The following MAP3K5 variants were observed in gnomAD, a reference collection of about 807,000 sequenced individuals.
MAP3K5 encodes mitogen-activated protein kinase kinase kinase 5.
Under a neutral mutation model 158.7 loss-of-function variants are expected in MAP3K5, and 56 were observed. That is an observed-to-expected ratio of 0.35 (90% confidence interval 0.28 to 0.44). MAP3K5 has a LOEUF of 0.44. Ranked by LOEUF, MAP3K5 falls within the 20% of genes least tolerant of loss-of-function variation. MAP3K5 has a pLI of 1.00. For missense variants in MAP3K5, 1,294 were observed against 1,674.8 expected (o/e 0.77, Z 3.97); for synonymous variants, 579 against 601.7 (o/e 0.96, Z 0.55).
At chr6:136,680,043 A>G (rs904635633) in intron 7 of MAP3K5, among the ~76,000 whole-genome samples, 2 of 140,850 alleles carry the variant, frequency 1.4e-5, no homozygotes, top group African/African-American at 6.2e-5. Context: ...TTAGCAAAAT[A>G]AGCTAGCCAC....
At chr6:136,786,379 CAAAAAAAA>C (rs11398691) in intron 1 of MAP3K5, among the ~76,000 whole-genome samples, 2 of 81,008 alleles carry the variant, frequency 2.5e-5, no homozygotes, top group African/African-American at 4.8e-5. Context: ...AACTCCATCT[CAAAAAAAA>C]AAAAAAAAAA....
Position 136,561,637 on chromosome 6 carries a change from C to A in MAP3K5, c.3883G>T (p.Glu1295Ter). The change falls in exon 28 of 30, where the codon GAA (glutamate) becomes TAA (stop). Residue 1295 changes from glutamate (E) to a stop codon, truncating the protein, a stop_gained. Coordinates refer to ENST00000359015, the MANE Select transcript of MAP3K5 (RefSeq NM_005923.4). LOFTEE classifies it high-confidence loss of function. ...GAATTTAGATGAAATACAGGCAATT[C>A]AGGAATTTCTAGAACAGAATTTTGG... Reference protein sequence around the residue: ...KLKSQPIEIPELPVFHLNSSG... With the variant: ...KLKSQPIEIP 1 of 1,597,774 alleles carries A rather than the reference C, an allele frequency of 6.3e-7. No homozygotes were observed. The highest frequency in any genetic ancestry group is 1.1e-5 in the South Asian group (1 of 90,746).
intron 13 of MAP3K5, among the ~76,000 whole-genome samples, chr6:136,639,180 T>C (rs1246490157): frequency 6.6e-6 from 1 of 152,088 alleles, no homozygotes; most frequent in Non-Finnish European, 1.5e-5. Flanking sequence ...GGTAAAGAGG[T>C]ACTATTGTAG....
intron 28 of MAP3K5, 100 bp downstream of exon 28, chr6:136,561,433 A>C: frequency 1.2e-6 from 1 of 827,644 alleles, no homozygotes; most frequent in Non-Finnish European, 2.0e-6. Flanking sequence ...GCTGGGTCTG[A>C]TTTGCTCACC....
chr6:136,779,442 CAAAAAAAAAAA>C (rs35110376), intron 1 of MAP3K5, among the ~76,000 whole-genome samples: 3 of 101,048 alleles, frequency 3.0e-5, no homozygotes, highest in Non-Finnish European at 5.8e-5. Context: ...CACCCTGTCT[CAAAAAAAAAAA>C]AAAAAAAAGA....
At chr6:136,725,395 T>C (rs936935459) in intron 1 of MAP3K5, among the ~76,000 whole-genome samples, 3 of 152,214 alleles carry the variant, frequency 2.0e-5, no homozygotes, top group Non-Finnish European at 4.4e-5. Context: ...CTAAAGCCAG[T>C]CTAATAGGTA....
At chr6:136,660,131 A>T (rs1042837222) in intron 8 of MAP3K5, among the ~76,000 whole-genome samples, 1 of 152,228 alleles carries the variant, frequency 6.6e-6, no homozygotes, top group African/African-American at 2.4e-5. Flanking sequence ...TTAAAAGGAA[A>T]ATCTTACCTT....
intron 1 of MAP3K5, among the ~76,000 whole-genome samples, chr6:136,741,276 C>G (rs1782695767): frequency 6.6e-6 from 1 of 152,118 alleles, no homozygotes; most frequent in African/African-American, 2.4e-5. Flanking sequence ...GTATTTCACT[C>G]TAAGCGTTTT....
At chr6:136,679,752 C>T (rs184631031) in intron 7 of MAP3K5, among the ~76,000 whole-genome samples, 6 of 152,192 alleles carry the variant, frequency 3.9e-5, no homozygotes, top group East Asian at 1.9e-4. Context: ...AATATCATGA[C>T]GCATGTTACT....
At chr6:136,732,504 G>A (rs1357872491) in intron 1 of MAP3K5, among the ~76,000 whole-genome samples, 4 of 152,088 alleles carry the variant, frequency 2.6e-5, no homozygotes, top group Non-Finnish European at 4.4e-5. Flanking sequence ...AAGTGATGAG[G>A]TGAAAGGAAG....
chr6:136,682,967 C>G (rs1460185431), intron 7 of MAP3K5, among the ~76,000 whole-genome samples: 1 of 151,866 alleles, frequency 6.6e-6, no homozygotes, highest in African/African-American at 2.4e-5. Flanking sequence ...TATTTTAGAA[C>G]AAGGGAAATT....
intron 1 of MAP3K5, among the ~76,000 whole-genome samples, chr6:136,740,769 T>A (rs1562662802): frequency 6.6e-6 from 1 of 152,250 alleles, no homozygotes; most frequent in Admixed American, 6.5e-5. Context: ...AGTTATTTTC[T>A]TAAACTGCTC....
At chr6:136,724,341 C>T (rs566845893) in intron 1 of MAP3K5, among the ~76,000 whole-genome samples, 23 of 151,566 alleles carry the variant, frequency 1.5e-4, no homozygotes, top group Non-Finnish European at 2.6e-4. Flanking sequence ...CTCCACCACC[C>T]GGGTTCAAGT....
rs534702716 is a variant in MAP3K5 at position 136,750,228 on chromosome 6, C to G, written c.449-29639G>C. On this transcript the variant is annotated intron_variant, in intron 1 of 29. Transcript: ENST00000359015. ...GAATAGCTGGGATTACAGGCGTGCA[C>G]GAGCACGCCTGGCTAATTTTTGTAT... 3.3e-5 allele frequency among the ~76,000 whole-genome samples: 5 copies of G among 152,272 alleles called. No homozygotes were observed. In the East Asian group the frequency reaches 5.8e-4, roughly 18 times the overall value.
Position 136,637,309 on chromosome 6 carries a change from A to G in MAP3K5, c.2016+16T>C. On this transcript the variant is annotated intron_variant, in intron 14 of 29. Coordinates refer to ENST00000359015, the MANE Select transcript of MAP3K5 (RefSeq NM_005923.4). ...TAAAATGAGCTCTAAATGTAAATGG[A>G]CACCTAAGTCATTACCTCCAGCAAG... 6.3e-7 allele frequency: 1 copy of G among 1,580,090 alleles called. No individual in the cohort carries two copies. Among genetic ancestry groups the G allele is most frequent in the Non-Finnish European group, 8.7e-7 (1 of 1,149,002 alleles).
intron 1 of MAP3K5, among the ~76,000 whole-genome samples, chr6:136,788,601 A>G (rs1784940128): frequency 6.6e-6 from 1 of 152,210 alleles, no homozygotes; most frequent in Non-Finnish European, 1.5e-5. Context: ...ATATGAACAG[A>G]CACTTCTCAG....
intron 15 of MAP3K5, 145 bp downstream of exon 15, chr6:136,622,703 G>A: frequency 1.2e-6 from 1 of 828,616 alleles, no homozygotes; most frequent in Non-Finnish European, 1.9e-6. Context: ...ACTGAATGAT[G>A]CAGCAGCGAA....
At position 136,655,344 on chromosome 6, in the gene MAP3K5, T is replaced by C. The variant is rs192436021; in HGVS notation, c.1680+963A>G. 2.2e-3 allele frequency among the ~76,000 whole-genome samples: 330 copies of C among 152,334 alleles called. 1 individual carries two copies. The highest frequency in any genetic ancestry group is 7.0e-3 in the African/African-American group (291 of 41,584). On this transcript the variant is annotated intron_variant, in intron 10 of 29. Coordinates refer to ENST00000359015, the MANE Select transcript of MAP3K5 (RefSeq NM_005923.4). ...GCTACACATTATCTAGGCTAGAAAA[T>C]AAAGTGAAGTGTTTCAGTTAGAAAG...
intron 25 of MAP3K5, among the ~76,000 whole-genome samples, chr6:136,570,583 C>T (rs1774318104): frequency 6.6e-6 from 1 of 152,118 alleles, no homozygotes; most frequent in African/African-American, 2.4e-5. Flanking sequence ...CCAGAGTGTC[C>T]TTTTTCAAGG....
Sources: gnomAD v4.1 joint callset for allele counts (sites outside exome capture counted in the v4.1 genomes callset) on GRCh38, gnomAD v4.1.1 for gene constraint, MANE v1.5 for transcripts, NCBI Gene and HGNC (gene_info 2026-07-23, HGNC 2026-07-21) for gene names.